Variants in PRR16 observed in about 807,000 individuals in gnomAD.
The protein encoded by PRR16 is proline rich 16, also known as protein Largen.
In PRR16, 6 loss-of-function variants were observed where a neutral mutation model predicts 18.2. The observed-to-expected ratio is 0.33, with a 90% CI of 0.18 to 0.65. The LOEUF is 0.65. Among genes scored for constraint, PRR16 ranks in the 30% least tolerant of loss-of-function variants. The pLI is 0.74. For missense variants in PRR16, 412 were observed against 376.6 expected, an observed-to-expected ratio of 1.09 and a Z score of -0.78; for synonymous variants, 151 against 147.8, an observed-to-expected ratio of 1.02 and a Z score of -0.16.
At chr5:120,790,533 A>G in the PRR16 span, 1 of 152,254 alleles carries the variant, frequency 6.6e-6, no homozygotes, top group African/African-American at 2.4e-5. Flanking sequence ...CTGTTTGCAG[A>G]CAGAGAATGT....
At chr5:120,665,676 G>T in intron 1 of PRR16, among the ~76,000 whole-genome samples, 1 of 152,072 alleles carries the variant, frequency 6.6e-6, no homozygotes, top group Non-Finnish European at 1.5e-5. Flanking sequence ...TTCTACGTAT[G>T]GCTAGCCAGT....
intron 1 of PRR16, among the ~76,000 whole-genome samples, chr5:120,679,318 T>G (rs912582029): frequency 2.0e-5 from 3 of 152,196 alleles, no homozygotes; most frequent in Non-Finnish European, 4.4e-5. Context: ...GATGCCATGC[T>G]ATCTTCTCAC....
chr5:120,630,314 T>A (rs1320648539), intron 1 of PRR16, among the ~76,000 whole-genome samples: 2 of 152,118 alleles, frequency 1.3e-5, no homozygotes, highest in African/African-American at 4.8e-5. Context: ...TATCCTAAGT[T>A]CTTGGGTTTC....
At chr5:120,678,319 A>G (rs1272031973) in intron 1 of PRR16, among the ~76,000 whole-genome samples, 4 of 152,268 alleles carry the variant, frequency 2.6e-5, no homozygotes, top group Admixed American at 2.6e-4. Context: ...TTTCTGGGCC[A>G]TCTGGGATTG....
chr5:120,586,025 T>C (rs1753429317), intron 1 of PRR16, among the ~76,000 whole-genome samples: 1 of 151,800 alleles, frequency 6.6e-6, no homozygotes, highest in South Asian at 2.1e-4. Flanking sequence ...ATACAAAAAT[T>C]AGCTGGGCGT....
At chr5:120,483,041 TC>T (rs1489768393) in intron 1 of PRR16, among the ~76,000 whole-genome samples, 1 of 152,166 alleles carries the variant, frequency 6.6e-6, no homozygotes, top group Admixed American at 6.6e-5. Flanking sequence ...CAGTAATAAA[TC>T]AACCGTGACA....
intron 1 of PRR16, among the ~76,000 whole-genome samples, chr5:120,619,030 A>G (rs1754603389): frequency 6.6e-6 from 1 of 152,150 alleles, no homozygotes; most frequent in Non-Finnish European, 1.5e-5. Flanking sequence ...TGGTCTATAA[A>G]CAGACAGTAT....
chr5:120,664,557 T>C (rs1403119771), intron 1 of PRR16, among the ~76,000 whole-genome samples: 2 of 151,894 alleles, frequency 1.3e-5, no homozygotes, highest in East Asian at 3.9e-4. Context: ...GCTGCACCCA[T>C]TACCTCGTCA....
intron 1 of PRR16, among the ~76,000 whole-genome samples, chr5:120,581,594 C>T (rs1753274567): frequency 6.6e-6 from 1 of 152,020 alleles, no homozygotes; most frequent in Non-Finnish European, 1.5e-5. Context: ...CTCTCTGGCT[C>T]TTTTAATTGT....
At chr5:120,656,535 A>T (rs892210799) in intron 1 of PRR16, among the ~76,000 whole-genome samples, 1 of 151,680 alleles carries the variant, frequency 6.6e-6, no homozygotes, top group Non-Finnish European at 1.5e-5. Flanking sequence ...AAAAATCGTT[A>T]TAAGTATGAT....
chr5:120,791,620 T>TATCTATCC, the PRR16 span, among the ~76,000 whole-genome samples: 94 of 136,390 alleles, frequency 6.9e-4, no homozygotes, highest in South Asian at 1.6e-3. Context: ...TCTATCTATC[T>TATCTATCC]ATCCATCCAT....
chr5:120,483,970 T>G (rs1229744546), intron 1 of PRR16, among the ~76,000 whole-genome samples: 5 of 152,028 alleles, frequency 3.3e-5, no homozygotes, highest in Non-Finnish European at 1.5e-5. Context: ...ATTTTCAGCC[T>G]ATAGTAGATT....
rs188385740 is a variant in PRR16, at chr5:120,610,922, A to G, written c.160-75032A>G. Among the ~76,000 whole-genome samples, 407 of 152,322 alleles carry G rather than the reference A, an allele frequency of 2.7e-3. 2 individuals are homozygous for G. The highest frequency in any genetic ancestry group is 9.4e-3 in the African/African-American group (392 of 41,584). ...TCAGAAGAAGACAGGAAAATGTGGG[A>G]AAGTTTGGAACTTCCTAGAGACTTG... On this transcript the variant is annotated intron_variant, in intron 1 of 1. Coordinates refer to ENST00000407149, the MANE Select transcript of PRR16 (RefSeq NM_001300783.2).
intron 1 of PRR16, among the ~76,000 whole-genome samples, chr5:120,479,326 T>C (rs1410570820): frequency 6.6e-6 from 1 of 152,156 alleles, no homozygotes; most frequent in Admixed American, 6.6e-5. Flanking sequence ...TGGACCTCTG[T>C]CTTTAAAGAC....
At chr5:120,687,835 A>G (rs1359660421), downstream of PRR16, among the ~76,000 whole-genome samples, 1 of 152,198 alleles carries the variant, frequency 6.6e-6, no homozygotes, top group Non-Finnish European at 1.5e-5. Flanking sequence ...CTTCCGTCTT[A>G]TCTACCAACT....
At position 120,629,817 on chromosome 5, in the gene PRR16, C is replaced by T. The variant is rs370147889; in HGVS notation, c.160-56137C>T. 3.3e-5 allele frequency among the ~76,000 whole-genome samples: 5 copies of T among 152,104 alleles called. No individual in the cohort carries two copies. The East Asian group carries it at 5.8e-4, about 18-fold the overall frequency. The stretch of plus-strand genomic sequence containing the variant: ...TTACTACTGGGCATAGGACTCTAGG[C>T]GAACAGTTATTTCCACTCTGCATTT... On this transcript the variant is annotated intron_variant, in intron 1 of 1. Coordinates refer to ENST00000407149, the MANE Select transcript of PRR16 (RefSeq NM_001300783.2).
At chr5:120,471,654 T>G (rs749807480) in intron 1 of PRR16, among the ~76,000 whole-genome samples, 1 of 152,174 alleles carries the variant, frequency 6.6e-6, no homozygotes, top group Non-Finnish European at 1.5e-5. Flanking sequence ...AGAAATGGCC[T>G]TATTCTAAAA....
the PRR16 span, among the ~76,000 whole-genome samples, chr5:120,747,791 G>A: frequency 1.2e-4 from 18 of 151,942 alleles, no homozygotes; most frequent in African/African-American, 4.1e-4. Flanking sequence ...AAGAAGGAAA[G>A]AAAGAAAGTC....
At chr5:120,532,327 G>T (rs1047013264) in intron 1 of PRR16, among the ~76,000 whole-genome samples, 1 of 151,966 alleles carries the variant, frequency 6.6e-6, no homozygotes, top group Non-Finnish European at 1.5e-5. Flanking sequence ...AGGATATTAA[G>T]ATAATTTTTC....
Sources: gnomAD v4.1 joint callset for allele counts (sites outside exome capture counted in the v4.1 genomes callset) on GRCh38, gnomAD v4.1.1 for gene constraint, MANE v1.5 for transcripts, NCBI Gene and HGNC (gene_info 2026-07-23, HGNC 2026-07-21) for gene names.